The following PRKD3 variants were observed in gnomAD, a reference collection of about 807,000 sequenced individuals.
The protein encoded by PRKD3 is serine/threonine-protein kinase D3.
A neutral mutation model predicts 99.2 loss-of-function variants in PRKD3; 47 were observed. That is an observed-to-expected ratio of 0.47 (90% CI 0.38 to 0.60). The LOEUF (loss-of-function observed/expected upper bound fraction) is 0.60. Ranked by LOEUF, PRKD3 falls within the 20% of genes least tolerant of loss-of-function variation. The pLI, the probability that PRKD3 is intolerant of heterozygous loss-of-function variation, is 0.00. For synonymous variants in PRKD3, 392 were observed against 355.4 expected (o/e 1.10, Z -1.16); for missense variants, 1,019 against 1,088.4 (o/e 0.94, Z 0.90).
In PRKD3 at chr2:37,280,641, G is replaced by C. The variant is rs542316507; in HGVS notation, c.989-712C>G. 9.2e-5 allele frequency among the ~76,000 whole-genome samples: 14 copies of C among 152,220 alleles called. No individual in the cohort carries two copies. In the South Asian group the frequency reaches 2.9e-3, roughly 32 times the overall value. ...CAAAGTGGATCACATAAAAATCTAA[G>C]AGCTAAAACTATAAAACTCATAGGA... On this transcript the variant is annotated intron_variant, in intron 7 of 18. Coordinates refer to ENST00000234179, the MANE Select transcript of PRKD3 (RefSeq NM_005813.6).
intron 14 of PRKD3, among the ~76,000 whole-genome samples, chr2:37,266,850 T>G (rs973270449): frequency 2.0e-5 from 3 of 152,180 alleles, no homozygotes; most frequent in African/African-American, 7.2e-5. Context: ...TAACGTACAT[T>G]TGCATATTAT....
Position 37,316,222 on chromosome 2 carries a change from T to C in PRKD3, c.288+15A>G, listed in dbSNP as rs769601159. The C allele has an allele frequency of 6.3e-6, 10 of 1,587,798 alleles. No homozygotes were observed. In the South Asian group the frequency reaches 1.1e-4, roughly 18 times the overall value. On this transcript the variant is annotated intron_variant, in intron 2 of 18. Coordinates refer to ENST00000234179, the MANE Select transcript of PRKD3 (RefSeq NM_005813.6). ...TAACAATATTATTTACTACTGATAA[T>C]AGCACACACAGTACCTTTTGATAAA...
intron 16 of PRKD3, among the ~76,000 whole-genome samples, chr2:37,257,911 A>G (rs1046139151): frequency 2.0e-5 from 3 of 152,158 alleles, no homozygotes; most frequent in African/African-American, 7.2e-5. Flanking sequence ...TTTAGATTTG[A>G]AAACAGTTAT....
At chr2:37,286,129 T>C (rs757689735) in intron 6 of PRKD3, 48 bp downstream of exon 6, 3 of 1,434,830 alleles carry the variant, frequency 2.1e-6, no homozygotes, top group South Asian at 2.7e-5. Context: ...CTATATATAA[T>C]AACAAAAACA....
At chr2:37,260,162 C>CT in intron 15 of PRKD3, 61 bp downstream of exon 15, 6 of 1,408,840 alleles carry the variant, frequency 4.3e-6, no homozygotes, top group Non-Finnish European at 5.8e-6. Context: ...AGACTCTTGT[C>CT]TTAAAAAAAA....
At chr2:37,255,059 C>G (rs1237123024) in intron 17 of PRKD3, among the ~76,000 whole-genome samples, 1 of 152,192 alleles carries the variant, frequency 6.6e-6, no homozygotes, top group Non-Finnish European at 1.5e-5. Context: ...CTTGTACCAT[C>G]CTAGTTCTAT....
At chr2:37,274,806 C>T in intron 10 of PRKD3, 109 bp from the exon 11 acceptor site, 2 of 1,048,000 alleles carry the variant, frequency 1.9e-6, no homozygotes, top group Non-Finnish European at 2.7e-6. Context: ...TTAAGACGGA[C>T]ACAAGTATGC....
intron 1 of PRKD3, among the ~76,000 whole-genome samples, chr2:37,320,423 CTTTTTTTTT>C (rs35158902): frequency 1.3e-4 from 10 of 78,162 alleles, no homozygotes; most frequent in Admixed American, 1.2e-3. Flanking sequence ...AAGTTAACGA[CTTTTTTTTT>C]TTTTTTTTTT....
chr2:37,301,063 T>C (rs1670903075), intron 2 of PRKD3, among the ~76,000 whole-genome samples: 1 of 152,206 alleles, frequency 6.6e-6, no homozygotes, highest in Admixed American at 6.5e-5. Flanking sequence ...CATGCTTAAG[T>C]GAATCTGTAT....
intron 14 of PRKD3, among the ~76,000 whole-genome samples, chr2:37,261,842 TGTAGAATGGTACAAAAGTG>T (rs778563661): frequency 6.0e-4 from 91 of 152,344 alleles, no homozygotes; most frequent in Admixed American, 1.6e-3. Context: ...ATTTTTCAAC[TGTAGAATGGTACAAAAGTG>T]GTATGCATTC....
chr2:37,286,509 G>T, intron 5 of PRKD3, 140 bp from the exon 6 acceptor site: 1 of 656,576 alleles, frequency 1.5e-6, no homozygotes, highest in Non-Finnish European at 2.4e-6. Flanking sequence ...AGTTTCCTTT[G>T]CAATGTTTAA....
rs1304173068 is a variant in PRKD3, at chr2:37,267,457, T to C, written c.1857A>G (p.Gln619=). 4.4e-6 allele frequency: 7 copies of C among 1,608,116 alleles called. No individual in the cohort carries two copies. The highest frequency in any genetic ancestry group is 3.3e-5 in the Admixed American group (2 of 59,896). The change falls in exon 14 of 19, where the codon CAA becomes CAG. Residue 619 remains glutamine, a synonymous_variant. Transcript: ENST00000234179. ...KMRFPTKQES[Q]LRNEVAILQN... The stretch of plus-strand genomic sequence containing the variant: ...GTAAAATAGCCACTTCATTACGGAG[T>C]TGACTTTCTTGTTTTGTGGGGAATC...
intron 1 of PRKD3, among the ~76,000 whole-genome samples, chr2:37,322,615 T>C (rs150706912): frequency 5.3e-4 from 81 of 152,378 alleles, no homozygotes; most frequent in Non-Finnish European, 9.1e-4. Flanking sequence ...AGAAATCTGA[T>C]TGGTTAGCAG....
Position 37,274,431 on chromosome 2 carries a change from C to A in PRKD3, c.1641G>T (p.Gly547=), listed in dbSNP as rs754582760. 2.9e-5 allele frequency: 46 copies of A among 1,613,938 alleles called. No homozygotes were observed. The East Asian group carries it at 1.0e-3, about 35-fold the overall frequency. ...QASVCTSPGQ[G]KDHKDLSTSI... is the part of the protein sequence containing the mutation. ...AAGTTTATTGCTTACTGTGATCTTTCCCTTGCCCTGGAGAAGTGCAAACAC... is the reference window on the plus strand; with the variant it reads ...AAGTTTATTGCTTACTGTGATCTTTACCTTGCCCTGGAGAAGTGCAAACAC... The change falls in exon 11 of 19, where the codon GGG becomes GGT. Residue 547 remains glycine, a synonymous_variant. Transcript: ENST00000234179.
chr2:37,282,234 T>C lies in PRKD3; in HGVS notation c.988+308A>G, dbSNP rs559909111. The C allele has an allele frequency of 3.9e-4, 111 of 283,078 alleles. 2 individuals are homozygous for C. The South Asian group carries it at 6.9e-3, about 17-fold the overall frequency. The allele number at this position is 283,078 out of a possible 1,614,324, so 17.5% of individuals were successfully genotyped here. A position where few individuals can be genotyped will look rare whatever the true frequency, so the allele number is the denominator to read the frequency against. The stretch of plus-strand genomic sequence containing the variant: ...AAGCAGTTAGTACATATTAGAACTA[T>C]GAAAGAATAGAGACAAGAGCAGGGT... On this transcript the variant is annotated intron_variant, in intron 7 of 18. Transcript: ENST00000234179.
Position 37,304,427 on chromosome 2 carries a change from C to A in PRKD3, c.289-11156G>T, listed in dbSNP as rs542402596. Among the ~76,000 whole-genome samples the A allele has an allele frequency of 5.3e-5, 8 of 151,968 alleles. No individual in the cohort carries two copies. The East Asian group carries it at 1.3e-3, about 26-fold the overall frequency. On this transcript the variant is annotated intron_variant, in intron 2 of 18. Transcript: ENST00000234179. Reference sequence around the variant, plus strand: ...ATTAACTTTCATCATTAACCTGAACCCAGAATTTTTTGGATATGAAATATC... The same window carrying A: ...ATTAACTTTCATCATTAACCTGAACACAGAATTTTTTGGATATGAAATATC...
chr2:37,308,538 T>TCC (rs1166547618), intron 2 of PRKD3, among the ~76,000 whole-genome samples: 67 of 19,114 alleles, frequency 3.5e-3, no homozygotes, highest in South Asian at 4.5e-3. Context: ...CCCACCTCCC[T>TCC]CCCCACCCAG....
chr2:37,276,681 T>C (rs1313788829), intron 9 of PRKD3, among the ~76,000 whole-genome samples: 2 of 151,540 alleles, frequency 1.3e-5, no homozygotes, highest in Non-Finnish European at 2.9e-5. Flanking sequence ...ATTCTTGAAT[T>C]TGTAAAATAA....
chr2:37,293,350 T>C, intron 2 of PRKD3, 79 bp from the exon 3 acceptor site: 1 of 1,342,314 alleles, frequency 7.4e-7, no homozygotes, highest in Non-Finnish European at 9.9e-7. Context: ...TATCAAAGAA[T>C]TTAAAACATA....
Sources: gnomAD v4.1 joint callset for allele counts (sites outside exome capture counted in the v4.1 genomes callset) on GRCh38, gnomAD v4.1.1 for gene constraint, MANE v1.5 for transcripts, NCBI Gene and HGNC (gene_info 2026-07-23, HGNC 2026-07-21) for gene names.